Variants in RFX3 observed in about 807,000 individuals in gnomAD.
RFX3 encodes the protein transcription factor RFX3.
RFX3 carries 14 observed loss-of-function variants against 98.6 expected under a neutral mutation model. The ratio of observed to expected loss-of-function variants is 0.14; its 90% confidence interval spans 0.09 to 0.22. RFX3 has a LOEUF of 0.22. Ranked by LOEUF, RFX3 falls within the 10% of genes least tolerant of loss-of-function variation. The pLI, the probability that RFX3 is intolerant of heterozygous loss-of-function variation, is 1.00. For synonymous variants in RFX3, 383 were observed against 328.4 expected, an observed-to-expected ratio of 1.17 and a Z score of -1.80; for missense variants, 639 against 926.9, an observed-to-expected ratio of 0.69 and a Z score of 4.03.
chr9:3,432,160 A>G (rs967681984), intron 1 of RFX3, among the ~76,000 whole-genome samples: 12 of 152,166 alleles, frequency 7.9e-5, no homozygotes, highest in Non-Finnish European at 1.3e-4. Context: ...TCCTGAAGTC[A>G]AGAAGTACCT....
intron 1 of RFX3, among the ~76,000 whole-genome samples, chr9:3,477,524 G>A (rs550785830): frequency 4.6e-4 from 70 of 152,182 alleles, no homozygotes; most frequent in South Asian, 1.0e-3. Context: ...AGGGTTTCTC[G>A]TAAGTCAGCT....
intron 1 of RFX3, among the ~76,000 whole-genome samples, chr9:3,506,218 T>A (rs73639900): frequency 0.019 from 2,836 of 148,248 alleles, 54 homozygotes; most frequent in African/African-American, 0.048. Flanking sequence ...TTTTTTTTTT[T>A]AAAAAAAAAG....
intron 4 of RFX3, among the ~76,000 whole-genome samples, chr9:3,305,603 T>C (rs887878567): frequency 1.3e-5 from 2 of 151,942 alleles, no homozygotes; most frequent in African/African-American, 2.4e-5. Flanking sequence ...ATTACAAAGA[T>C]ATGAAGGATT....
rs1207210301 is a variant in RFX3 at position 3,222,672 on chromosome 9, T to TA, written c.*2369dup. ...TTTTTTCAATTTTTGATTTTAATTT[T>TA]ACCTGTAAACACTTCCTATGCACAA... is the stretch of plus-strand genomic sequence containing the variant. On this transcript the variant is annotated 3_prime_UTR_variant, in exon 17 of 17. Transcript: ENST00000617270. The TA allele has an allele frequency of 6.6e-6, 1 of 152,186 alleles. No individual in the cohort carries two copies. Among genetic ancestry groups the TA allele is most frequent in the Non-Finnish European group, 1.5e-5 (1 of 68,012 alleles). 9.4% of individuals were successfully genotyped at this position (152,186 alleles called of 1,614,324 possible).
chr9:3,508,109 C>CA (rs771231599), intron 1 of RFX3, among the ~76,000 whole-genome samples: 15 of 151,732 alleles, frequency 9.9e-5, no homozygotes, highest in African/African-American at 2.4e-4. Flanking sequence ...TCTAAAAATT[C>CA]AAAAAAACCT....
At chr9:3,338,894 C>T (rs181400591) in intron 3 of RFX3, among the ~76,000 whole-genome samples, 1 of 152,196 alleles carries the variant, frequency 6.6e-6, no homozygotes, top group East Asian at 1.9e-4. Flanking sequence ...TCGAGACCAC[C>T]GTGGCCAATA....
intron 1 of RFX3, among the ~76,000 whole-genome samples, chr9:3,508,572 G>C (rs961249013): frequency 6.6e-6 from 1 of 151,822 alleles, no homozygotes; most frequent in African/African-American, 2.4e-5. Flanking sequence ...AAAAATGCAA[G>C]AGCTAACTAA....
chr9:3,237,592 G>C (rs1367186091), intron 15 of RFX3, among the ~76,000 whole-genome samples: 1 of 152,116 alleles, frequency 6.6e-6, no homozygotes, highest in Non-Finnish European at 1.5e-5. Flanking sequence ...GAAGGAGATG[G>C]AACTAACAAA....
intron 1 of RFX3, among the ~76,000 whole-genome samples, chr9:3,438,357 ATATC>A (rs1355880999): frequency 6.6e-6 from 1 of 152,142 alleles, no homozygotes; most frequent in African/African-American, 2.4e-5. Context: ...CAGTAAGTCT[ATATC>A]TATCTTTAAA....
chr9:3,427,485 T>C (rs1054284220), intron 1 of RFX3, among the ~76,000 whole-genome samples: 1 of 145,470 alleles, frequency 6.9e-6, no homozygotes, highest in Non-Finnish European at 1.5e-5. Flanking sequence ...TGTTATATAA[T>C]AATACAATAT....
chr9:3,505,264 A>ATATATATATGAATATATATTTT lies in RFX3; in HGVS notation c.-9+20482_-9+20483insAAAATATATATTCATATATATA, dbSNP rs1564186993. Among the ~76,000 whole-genome samples, 190 of 74,444 alleles carry ATATATATATGAATATATATTTT rather than the reference A, an allele frequency of 2.6e-3. 10 individuals are homozygous for ATATATATATGAATATATATTTT. Among genetic ancestry groups the ATATATATATGAATATATATTTT allele is most frequent in the African/African-American group, 0.016 (181 of 11,472 alleles). 48.8% of individuals were successfully genotyped at this position (74,444 alleles called of 152,430 possible). A position where few individuals can be genotyped will look rare whatever the true frequency, so the allele number is the denominator to read the frequency against. On this transcript the variant is annotated intron_variant, in intron 1 of 16. Transcript: ENST00000617270. Reference sequence around the variant, plus strand: ...TTTATATATATATGAATATATATTTATATATATATGAATATATACATTTTT... The same window carrying ATATATATATGAATATATATTTT: ...TTTATATATATATGAATATATATTTATATATATATGAATATATATTTTTATATATATGAATATATACATTTTT...
chr9:3,428,698 T>C (rs1411761644), intron 1 of RFX3, among the ~76,000 whole-genome samples: 4 of 152,206 alleles, frequency 2.6e-5, no homozygotes, highest in Non-Finnish European at 4.4e-5. Context: ...AAGGTCTTTC[T>C]AGCTATATTT....
At chr9:3,429,117 G>A (rs1217021931) in intron 1 of RFX3, among the ~76,000 whole-genome samples, 2 of 150,478 alleles carry the variant, frequency 1.3e-5, no homozygotes, top group Non-Finnish European at 1.5e-5. Flanking sequence ...CCGCCTCCCG[G>A]GTTCATGCCA....
intron 1 of RFX3, among the ~76,000 whole-genome samples, chr9:3,435,039 A>G (rs1018244730): frequency 6.6e-6 from 1 of 151,852 alleles, no homozygotes; most frequent in African/African-American, 2.4e-5. Flanking sequence ...ATGGCATAAG[A>G]GATAAAAAAT....
intron 4 of RFX3, among the ~76,000 whole-genome samples, chr9:3,306,946 G>A: frequency 6.6e-6 from 1 of 152,020 alleles, no homozygotes; most frequent in Non-Finnish European, 1.5e-5. Context: ...CCCATGTGTT[G>A]TGGGAGGGAC....
At chr9:3,386,176 A>C (rs1170236536) in intron 2 of RFX3, among the ~76,000 whole-genome samples, 1 of 152,198 alleles carries the variant, frequency 6.6e-6, no homozygotes, top group Admixed American at 6.6e-5. Flanking sequence ...TAAAATAGCT[A>C]CAGAGGATAA....
At chr9:3,401,647 G>A (rs1841478997) in intron 1 of RFX3, among the ~76,000 whole-genome samples, 1 of 152,206 alleles carries the variant, frequency 6.6e-6, no homozygotes, top group South Asian at 2.1e-4. Flanking sequence ...TATTCTTACA[G>A]GAGAGACATG....
chr9:3,238,839 C>T (rs1819528538), intron 15 of RFX3, among the ~76,000 whole-genome samples: 1 of 151,628 alleles, frequency 6.6e-6, no homozygotes, highest in Admixed American at 6.6e-5. Context: ...AATACAAATA[C>T]AAAATTAGCT....
Position 3,271,005 on chromosome 9 carries a change from C to T in RFX3, c.1200G>A (p.Ser400=), listed in dbSNP as rs143518057. The T allele has an allele frequency of 2.8e-5, 45 of 1,613,514 alleles. No individual in the cohort carries two copies. Among genetic ancestry groups the T allele is most frequent in the Non-Finnish European group, 3.6e-5 (42 of 1,179,700 alleles). The change falls in exon 10 of 17, where the codon TCG becomes TCA. Residue 400 remains serine, a splice_region_variant and synonymous_variant. Transcript: ENST00000617270. ...TPTDGTTITE[S]SNLSEIESRL... is the part of the protein sequence containing the mutation. The stretch of plus-strand genomic sequence containing the variant: ...TTGGAAAAGATGTTGATTCTGACCT[C>T]GATTCGGTAATGGTAGTGCCATCAG...
Sources: gnomAD v4.1 joint callset for allele counts (sites outside exome capture counted in the v4.1 genomes callset) on GRCh38, gnomAD v4.1.1 for gene constraint, MANE v1.5 for transcripts, NCBI Gene and HGNC (gene_info 2026-07-23, HGNC 2026-07-21) for gene names.